Variants in SPATA31H1 observed in about 807,000 individuals in gnomAD.
The protein encoded by SPATA31H1 is spermatogenesis-associated protein 31H1.
At chr2:27,573,894 T>C in the SPATA31H1 span, 1 of 398,416 alleles carries the variant, frequency 2.5e-6, no homozygotes, top group Admixed American at 4.4e-5. Flanking sequence ...ATCATCTGAA[T>C]TGGCTCATCA....
chr2:27,568,895 C>T, the SPATA31H1 span: 1 of 398,810 alleles, frequency 2.5e-6, no homozygotes, highest in African/African-American at 2.1e-5. Flanking sequence ...ATCATGAAGC[C>T]ACAGAGCCTG....
At chr2:27,569,581 C>T in the SPATA31H1 span, 1 of 398,546 alleles carries the variant, frequency 2.5e-6, no homozygotes, top group African/African-American at 2.1e-5. Context: ...ATGGACCTGA[C>T]CCCAGGGCCA....
the SPATA31H1 span, among the ~76,000 whole-genome samples, chr2:27,556,512 A>G: frequency 2.0e-5 from 3 of 151,236 alleles, no homozygotes; most frequent in Non-Finnish European, 4.4e-5. Context: ...TCCATGCTTC[A>G]TTATGGATAT....
At chr2:27,559,876 CT>C in the SPATA31H1 span, among the ~76,000 whole-genome samples, 29 of 149,036 alleles carry the variant, frequency 1.9e-4, no homozygotes, top group Non-Finnish European at 3.6e-4. Context: ...TTTCTTTTTT[CT>C]TTTTTTTTGA....
the SPATA31H1 span, chr2:27,576,594 C>T: frequency 6.3e-7 from 1 of 1,586,644 alleles, no homozygotes; most frequent in South Asian, 1.1e-5. Context: ...ACCAGGGGCC[C>T]AACAGCAAGG....
At chr2:27,559,984 C>G in the SPATA31H1 span, among the ~76,000 whole-genome samples, 2 of 152,098 alleles carry the variant, frequency 1.3e-5, no homozygotes, top group African/African-American at 4.8e-5. Context: ...TCTCCTGCCT[C>G]AGCCTCCTGA....
At chr2:27,545,810 C>T in the SPATA31H1 span, among the ~76,000 whole-genome samples, 1 of 151,568 alleles carries the variant, frequency 6.6e-6, no homozygotes, top group South Asian at 2.1e-4. Flanking sequence ...TGATCTGCCC[C>T]CCTCGGTCTC....
the SPATA31H1 span, chr2:27,575,226 T>G: frequency 2.5e-6 from 1 of 398,564 alleles, no homozygotes. This position sits in a 1 kb window ranked among gnomAD's most constrained non-coding sequence, Gnocchi z 4.1. Flanking sequence ...TAAGTTGGCC[T>G]TGGAATCAAA....
At chr2:27,562,510 CAAA>C in the SPATA31H1 span, among the ~76,000 whole-genome samples, 1 of 97,612 alleles carries the variant, frequency 1.0e-5, no homozygotes. Context: ...GACCTTGTCT[CAAA>C]AAAAAAAAAA....
chr2:27,565,470 G>A, the SPATA31H1 span: 1 of 701,008 alleles, frequency 1.4e-6, no homozygotes, highest in Non-Finnish European at 2.6e-6. Flanking sequence ...TAAATAGCAG[G>A]TGGAGGGAGG....
the SPATA31H1 span, chr2:27,569,879 A>G: frequency 7.5e-6 from 3 of 398,936 alleles, no homozygotes; most frequent in Non-Finnish European, 1.3e-5. Context: ...AGATATTTCC[A>G]GGACCACTTC....
At chr2:27,574,458 C>A in the SPATA31H1 span, 1 of 398,462 alleles carries the variant, frequency 2.5e-6, no homozygotes, top group African/African-American at 2.1e-5. Context: ...CCCACAGTTA[C>A]AAGATATAAA....
At chr2:27,560,358 T>A in the SPATA31H1 span, among the ~76,000 whole-genome samples, 2 of 152,126 alleles carry the variant, frequency 1.3e-5, no homozygotes, top group Admixed American at 1.3e-4. Context: ...CTACTACATA[T>A]AAATTGATGG....
chr2:27,580,402 A>C, the SPATA31H1 span: 2 of 1,614,104 alleles, frequency 1.2e-6, no homozygotes, highest in Non-Finnish European at 1.7e-6. Context: ...AAACGGGCTA[A>C]AGTGAGAACC....
the SPATA31H1 span, chr2:27,580,154 A>G: frequency 2.5e-6 from 4 of 1,614,214 alleles, no homozygotes; most frequent in Admixed American, 5.0e-5. Context: ...GAAGCCCTAT[A>G]TCACCATCAC....
At chr2:27,578,212 A>G in the SPATA31H1 span, 2 of 1,614,208 alleles carry the variant, frequency 1.2e-6, no homozygotes, top group East Asian at 4.5e-5. Context: ...CCAAAACTGC[A>G]ATATGTGAGA....
chr2:27,577,642 G>A, the SPATA31H1 span: 22 of 1,613,950 alleles, frequency 1.4e-5, no homozygotes, highest in Middle Eastern at 1.6e-4. The surrounding 1 kb of genome is among the most constrained non-coding windows in gnomAD (Gnocchi z 4.5). Context: ...TTAGGACATC[G>A]AGTTCCTGAA....
the SPATA31H1 span, chr2:27,575,201 G>A: frequency 1.0e-5 from 4 of 398,412 alleles, no homozygotes; most frequent in African/African-American, 2.1e-5. The surrounding 1 kb of genome is among the most constrained non-coding windows in gnomAD (Gnocchi z 4.1). Context: ...CAGAATTGCA[G>A]GTTGCAAAAC....
chr2:27,540,364 C>T, the SPATA31H1 span, among the ~76,000 whole-genome samples: 1 of 130,726 alleles, frequency 7.6e-6, no homozygotes. Context: ...GCGCCCCTCA[C>T]CTCCCGGACT....
Sources: allele counts gnomAD v4.1 joint callset (sites outside exome capture counted in the v4.1 genomes callset), GRCh38; gene constraint gnomAD v4.1.1; non-coding constraint Gnocchi (gnomAD v3.1); transcripts MANE v1.5; gene names NCBI Gene and HGNC (gene_info 2026-07-23, HGNC 2026-07-21).